Variants in TBC1D9 observed in about 807,000 individuals in gnomAD.
The protein encoded by TBC1D9 is TBC1 domain family member 9A.
In TBC1D9, 63 loss-of-function variants were observed where a neutral mutation model predicts 132.0. The ratio of observed to expected loss-of-function variants is 0.48; its 90% CI spans 0.39 to 0.59. TBC1D9 has a LOEUF of 0.59. Among genes scored for constraint, TBC1D9 ranks in the 20% least tolerant of loss-of-function variants. The pLI is 0.00. For missense variants in TBC1D9, 1,261 were observed against 1,592.7 expected (o/e 0.79, Z 3.54); for synonymous variants, 610 against 609.9 (o/e 1.00, Z 0.00).
intron 2 of TBC1D9, among the ~76,000 whole-genome samples, chr4:140,687,384 ATATATATATAT>A (rs1737804704): frequency 1.5e-5 from 1 of 68,868 alleles, no homozygotes; most frequent in Non-Finnish European, 2.8e-5. Context: ...ATATATATAT[ATATATATATAT>A]AAACATATAG....
In TBC1D9 at chr4:140,755,901, G is replaced by T. The variant is rs755689582; in HGVS notation, c.130+15C>A. ...TCCCGGCTCCCCTCCTGCAGGGATC[G>T]GCCACGGTCCTTACCCGCCAGTCCG... On this transcript the variant is annotated intron_variant, in intron 1 of 20. Transcript: ENST00000442267. 3 of 1,534,528 alleles carry T rather than the reference G, an allele frequency of 2.0e-6. No homozygotes were observed. Among genetic ancestry groups the T allele is most frequent in the East Asian group, 2.5e-5 (1 of 39,406 alleles).
intron 13 of TBC1D9, among the ~76,000 whole-genome samples, chr4:140,653,707 CAT>C (rs1189602699): frequency 6.6e-6 from 1 of 152,156 alleles, no homozygotes; most frequent in African/African-American, 2.4e-5. Context: ...CCACTGGAAA[CAT>C]AAGCAGAGTA....
intron 15 of TBC1D9, among the ~76,000 whole-genome samples, chr4:140,638,655 G>T (rs1157590144): frequency 6.6e-6 from 1 of 152,050 alleles, no homozygotes; most frequent in East Asian, 1.9e-4. Flanking sequence ...ATTGGTAGGG[G>T]CTGAATTAGG....
intron 13 of TBC1D9, among the ~76,000 whole-genome samples, chr4:140,640,897 T>C: frequency 7.2e-6 from 1 of 138,564 alleles, no homozygotes; most frequent in African/African-American, 3.3e-5. Context: ...ATGCTATATA[T>C]ATATAGATTT....
intron 1 of TBC1D9, among the ~76,000 whole-genome samples, chr4:140,705,408 G>A (rs1018595519): frequency 6.6e-6 from 1 of 151,998 alleles, no homozygotes; most frequent in African/African-American, 2.4e-5. Flanking sequence ...TTCCTTGAGG[G>A]CAGGGTCTAA....
intron 1 of TBC1D9, among the ~76,000 whole-genome samples, chr4:140,732,773 G>T (rs1404078197): frequency 6.6e-6 from 1 of 152,052 alleles, no homozygotes; most frequent in African/African-American, 2.4e-5. Flanking sequence ...TGGTGGAAAG[G>T]GTGATTATTT....
intron 1 of TBC1D9, among the ~76,000 whole-genome samples, chr4:140,733,145 A>C (rs1738623996): frequency 6.6e-6 from 1 of 152,238 alleles, no homozygotes. Flanking sequence ...AAAACAAAAA[A>C]TAAAGAGAAC....
intron 16 of TBC1D9, among the ~76,000 whole-genome samples, chr4:140,633,599 A>C (rs535057768): frequency 6.6e-6 from 1 of 152,176 alleles, no homozygotes; most frequent in South Asian, 2.1e-4. Flanking sequence ...TGTTTTATGC[A>C]ATTATATATA....
chr4:140,663,094 G>A (rs970004017), intron 9 of TBC1D9, among the ~76,000 whole-genome samples: 2 of 152,046 alleles, frequency 1.3e-5, no homozygotes, highest in African/African-American at 2.4e-5. Context: ...CACAGCAAAG[G>A]AAGCAATCAA....
chr4:140,743,009 AAGGAAGGGATGG>A (rs1010207983), intron 1 of TBC1D9, among the ~76,000 whole-genome samples: 15 of 151,206 alleles, frequency 9.9e-5, no homozygotes, highest in African/African-American at 3.4e-4. Context: ...AGGAGAGAGA[AAGGAAGGGATGG>A]AGGGAGGGAG....
At position 140,622,329 on chromosome 4, in the gene TBC1D9, C is replaced by A; in HGVS notation, c.3667G>T (p.Glu1223Ter). 1.2e-6 allele frequency: 2 copies of A among 1,613,834 alleles called. No individual in the cohort carries two copies. The highest frequency in any genetic ancestry group is 1.7e-6 in the Non-Finnish European group (2 of 1,179,732). ...FEQFLASLLT[E>*]PALVKYFDKP... is the part of the protein sequence containing the mutation. The stretch of plus-strand genomic sequence containing the variant: ...TCAAAGTACTTGACCAGGGCAGGCT[C>A]AGTTAAGAGGGAGGCCAGGAACTGC... The change falls in exon 21 of 21, where the codon GAG becomes TAG. Residue 1223 changes from glutamate to a stop codon, truncating the protein, a stop_gained. Coordinates refer to ENST00000442267, the MANE Select transcript of TBC1D9 (RefSeq NM_015130.3). LOFTEE classifies it high-confidence loss of function.
At chr4:140,735,547 C>A (rs757300315) in intron 1 of TBC1D9, among the ~76,000 whole-genome samples, 1 of 151,996 alleles carries the variant, frequency 6.6e-6, no homozygotes, top group Non-Finnish European at 1.5e-5. Flanking sequence ...CCCATCTCTA[C>A]TAAAAATCAC....
At chr4:140,641,850 C>T in intron 13 of TBC1D9, 1 of 330,336 alleles carries the variant, frequency 3.0e-6, no homozygotes, top group Non-Finnish European at 5.7e-6. Flanking sequence ...GCACGGGCCT[C>T]CTCACCCCCC....
chr4:140,676,817 T>TA (rs954725539), intron 6 of TBC1D9, 77 bp downstream of exon 6: 48 of 1,544,762 alleles, frequency 3.1e-5, no homozygotes, highest in Middle Eastern at 1.9e-4. Context: ...CAATTGTTGG[T>TA]AAAAAAATTA....
At position 140,679,807 on chromosome 4, in the gene TBC1D9, T is replaced by A. The variant is rs775187381; in HGVS notation, c.397A>T (p.Lys133Ter). 6.2e-7 allele frequency: 1 copy of A among 1,613,610 alleles called. No homozygotes were observed. Among genetic ancestry groups the A allele is most frequent in the Admixed American group, 1.7e-5 (1 of 59,958 alleles). The change falls in exon 4 of 21, where the codon AAG becomes TAG. Residue 133 changes from lysine (K) to a stop codon, truncating the protein, a stop_gained. Coordinates refer to ENST00000442267, the MANE Select transcript of TBC1D9 (RefSeq NM_015130.3). LOFTEE classifies it high-confidence loss of function. ...AACTTCTCCGTGTCATCATCTTCCTTTACATCATTGATTTTGTTGTATTCT... is the reference window on the plus strand; with the variant it reads ...AACTTCTCCGTGTCATCATCTTCCTATACATCATTGATTTTGTTGTATTCT... ...IAEYNKINDV[K>*]EDDDTEKFKE...
intron 17 of TBC1D9, 85 bp from the exon 18 acceptor site, chr4:140,627,612 A>C: frequency 2.2e-6 from 2 of 912,872 alleles, no homozygotes; most frequent in South Asian, 3.1e-5. Context: ...AAAATGACAT[A>C]AGTGGGGATG....
chr4:140,665,063 T>C (rs1339274601), intron 9 of TBC1D9, among the ~76,000 whole-genome samples: 11 of 147,482 alleles, frequency 7.5e-5, no homozygotes, highest in Non-Finnish European at 1.6e-4. Flanking sequence ...GCCAAGATTA[T>C]GCCATTGCAC....
intron 13 of TBC1D9, among the ~76,000 whole-genome samples, chr4:140,656,161 T>C (rs1186756113): frequency 6.6e-6 from 1 of 152,202 alleles, no homozygotes; most frequent in Admixed American, 6.5e-5. Flanking sequence ...GTAGAAGGAA[T>C]GTAGAAGTAG....
At chr4:140,659,871 T>C (rs1224714675) in intron 10 of TBC1D9, among the ~76,000 whole-genome samples, 166 bp from the exon 11 acceptor site, 1 of 152,226 alleles carries the variant, frequency 6.6e-6, no homozygotes. Context: ...GTCTCTGTCA[T>C]ATATTCTTCT....
Sources: allele counts gnomAD v4.1 joint callset (sites outside exome capture counted in the v4.1 genomes callset), GRCh38; gene constraint gnomAD v4.1.1; transcripts MANE v1.5; gene names NCBI Gene and HGNC (gene_info 2026-07-23, HGNC 2026-07-21).